The following RHOU variants were observed in gnomAD, a reference collection of about 807,000 sequenced individuals.
RHOU encodes the protein rho-related GTP-binding protein RhoU.
In RHOU, 8 loss-of-function variants were observed where a neutral mutation model predicts 12.6. The ratio of observed to expected loss-of-function variants is 0.64; its 90% CI spans 0.37 to 1.15. RHOU has a LOEUF of 1.15. RHOU is among the 50% of genes most tolerant of loss of function. RHOU has a pLI of 0.01. For synonymous variants in RHOU, 161 were observed against 147.4 expected (o/e 1.09, Z -0.67); for missense variants, 258 against 347.0 (o/e 0.74, Z 2.04).
the RHOU span, among the ~76,000 whole-genome samples, chr1:228,718,237 G>C: frequency 0.33 from 50,071 of 152,018 alleles, 8,772 homozygotes; most frequent in African/African-American, 0.43. Context: ...TTGAAATAGG[G>C]AGAATCAAGA....
At chr1:228,686,740 CA>C in the RHOU span, among the ~76,000 whole-genome samples, 4 of 152,080 alleles carry the variant, frequency 2.6e-5, no homozygotes, top group Non-Finnish European at 4.4e-5. Context: ...AACCAAAAAG[CA>C]AGGGAGAATT....
At chr1:228,707,442 AG>A in the RHOU span, among the ~76,000 whole-genome samples, 1 of 151,190 alleles carries the variant, frequency 6.6e-6, no homozygotes, top group African/African-American at 2.4e-5. Flanking sequence ...TGGTTCTCCC[AG>A]CACGCAGCTG....
the RHOU span, among the ~76,000 whole-genome samples, chr1:228,655,165 C>T: frequency 1.0e-4 from 15 of 149,270 alleles, no homozygotes; most frequent in African/African-American, 3.5e-4. Context: ...AGTGCAGTGG[C>T]GCGATCTTGG....
the RHOU span, among the ~76,000 whole-genome samples, chr1:228,727,370 C>T: frequency 6.6e-6 from 1 of 152,072 alleles, no homozygotes; most frequent in Non-Finnish European, 1.5e-5. Context: ...TACAGTGGCA[C>T]GATCTCAGCT....
Position 228,738,560 on chromosome 1 carries a change from AC to A in RHOU, c.321+830del, listed in dbSNP as rs1465357145. On this transcript the variant is annotated intron_variant, in intron 2 of 2. Coordinates refer to ENST00000366691, the MANE Select transcript of RHOU (RefSeq NM_021205.6). This position sits in a 1 kb window ranked among gnomAD's most constrained non-coding sequence, Gnocchi z 4.2. The stretch of plus-strand genomic sequence containing the variant: ...GTAGGCAGGTGAAAGTGCCCCCTTC[AC>A]TTTCTGAGGTGCCATCACATGACTA... 6.6e-6 allele frequency among the ~76,000 whole-genome samples: 1 copy of A among 152,038 alleles called. No homozygotes were observed. The highest frequency in any genetic ancestry group is 1.5e-5 in the Non-Finnish European group (1 of 67,996).
the RHOU span, among the ~76,000 whole-genome samples, chr1:228,646,734 C>A: frequency 3.9e-4 from 59 of 151,986 alleles, no homozygotes; most frequent in African/African-American, 1.3e-3. Flanking sequence ...AAATCCACTC[C>A]CCCACACACA....
chr1:228,658,753 C>T, the RHOU span, among the ~76,000 whole-genome samples: 1 of 152,136 alleles, frequency 6.6e-6, no homozygotes, highest in African/African-American at 2.4e-5. Flanking sequence ...CCAAAATCCA[C>T]ACAGAGTCAA....
chr1:228,693,167 A>G, the RHOU span, among the ~76,000 whole-genome samples: 1 of 152,242 alleles, frequency 6.6e-6, no homozygotes, highest in Admixed American at 6.5e-5. Flanking sequence ...AGGTTTTTCA[A>G]TAAGAATAAA....
chr1:228,702,343 T>C, the RHOU span, among the ~76,000 whole-genome samples: 1 of 152,194 alleles, frequency 6.6e-6, no homozygotes, highest in Non-Finnish European at 1.5e-5. Flanking sequence ...GGGTCCTAAA[T>C]TTACATACTA....
chr1:228,646,965 G>C, the RHOU span, among the ~76,000 whole-genome samples: 3 of 152,128 alleles, frequency 2.0e-5, no homozygotes, highest in Non-Finnish European at 2.9e-5. Context: ...ACAGAGAAAG[G>C]GAGAAGTACA....
the RHOU span, among the ~76,000 whole-genome samples, chr1:228,646,577 G>A: frequency 2.3e-5 from 3 of 128,634 alleles, no homozygotes; most frequent in Non-Finnish European, 4.9e-5. Context: ...TCCCGACCAA[G>A]ACCCGGCCGG....
chr1:228,707,256 G>T, the RHOU span, among the ~76,000 whole-genome samples: 1,849 of 36,744 alleles, frequency 0.05, 11 homozygotes, highest in Non-Finnish European at 0.072. Flanking sequence ...TATATATATA[G>T]TGTGTGTGTG....
upstream of RHOU, among the ~76,000 whole-genome samples, chr1:228,731,690 C>T (rs1662500048): frequency 6.6e-6 from 1 of 151,954 alleles, no homozygotes; most frequent in Non-Finnish European, 1.5e-5. Flanking sequence ...GAAGGGGTTA[C>T]AGACCTGTAG....
the RHOU span, among the ~76,000 whole-genome samples, chr1:228,695,884 G>A: frequency 6.6e-6 from 1 of 152,136 alleles, no homozygotes; most frequent in Non-Finnish European, 1.5e-5. Flanking sequence ...TTGGGGGATG[G>A]CGCTGAGAGT....
chr1:228,726,407 C>T, the RHOU span, among the ~76,000 whole-genome samples: 1 of 152,056 alleles, frequency 6.6e-6, no homozygotes, highest in Non-Finnish European at 1.5e-5. Context: ...GGCTCAAGCC[C>T]ATAATCCCAG....
chr1:228,702,994 C>T, the RHOU span, among the ~76,000 whole-genome samples: 2 of 152,156 alleles, frequency 1.3e-5, no homozygotes, highest in African/African-American at 2.4e-5. Flanking sequence ...AGAAAATTCT[C>T]AAAAGCACAG....
chr1:228,647,039 A>T, the RHOU span, among the ~76,000 whole-genome samples: 34,896 of 151,950 alleles, frequency 0.23, 4,506 homozygotes, highest in African/African-American at 0.36. Flanking sequence ...AAGAGTGAGG[A>T]GGAGGGAGCT....
Position 228,735,901 on chromosome 1 carries a change from G to T in RHOU, c.159G>T (p.Val53=). The T allele has an allele frequency of 6.4e-7, 1 of 1,558,316 alleles. No individual in the cohort carries two copies. The change falls in exon 1 of 3, where the codon GTG becomes GTT. Residue 53 remains valine, a synonymous_variant. Transcript: ENST00000366691. The surrounding 1 kb of genome is among the most constrained non-coding windows in gnomAD (Gnocchi z 8.1). ...CCGAGGGGCGCGGCGTCAAGTGCGT[G>T]CTGGTCGGCGACGGCGCGGTGGGCA... ...GGAEGRGVKC[V]LVGDGAVGKT...
At chr1:228,668,902 T>A in the RHOU span, among the ~76,000 whole-genome samples, 1 of 152,184 alleles carries the variant, frequency 6.6e-6, no homozygotes, top group Admixed American at 6.5e-5. Context: ...ATCGCAGACA[T>A]GACAAGGTTG....
Sources: gnomAD v4.1 joint callset for allele counts (sites outside exome capture counted in the v4.1 genomes callset) on GRCh38, gnomAD v4.1.1 for gene constraint, Gnocchi (gnomAD v3.1) non-coding constraint, MANE v1.5 for transcripts, NCBI Gene and HGNC (gene_info 2026-07-23, HGNC 2026-07-21) for gene names.